Variants in ANTXR2 observed in about 807,000 individuals in gnomAD.
The protein encoded by ANTXR2 is ANTXR cell adhesion molecule 2.
In ANTXR2, 44 loss-of-function variants were observed where a neutral mutation model predicts 73.7. That is an observed-to-expected ratio of 0.60 (90% CI 0.47 to 0.77). ANTXR2 has a LOEUF of 0.77. ANTXR2 is among the 30% of genes least tolerant of loss of function. ANTXR2 has a pLI of 0.00. For synonymous variants in ANTXR2, 217 were observed against 205.9 expected, an observed-to-expected ratio of 1.05 and a Z score of -0.46; for missense variants, 604 against 592.5, an observed-to-expected ratio of 1.02 and a Z score of -0.20.
chr4:80,064,375 C>T (rs1734399813), intron 3 of ANTXR2, among the ~76,000 whole-genome samples: 1 of 152,120 alleles, frequency 6.6e-6, no homozygotes, highest in Non-Finnish European at 1.5e-5. Flanking sequence ...ATGATGGCAG[C>T]TAATAACTAA....
intron 16 of ANTXR2, among the ~76,000 whole-genome samples, chr4:79,976,800 C>T (rs1292005754): frequency 6.6e-6 from 1 of 152,196 alleles, no homozygotes; most frequent in Non-Finnish European, 1.5e-5. Context: ...TCCTGCCCTG[C>T]ATCAGATTCC....
intron 16 of ANTXR2, among the ~76,000 whole-genome samples, chr4:79,935,667 T>G (rs1289855626): frequency 6.6e-6 from 1 of 152,194 alleles, no homozygotes; most frequent in Non-Finnish European, 1.5e-5. Context: ...GCATGTGGGA[T>G]AGTGAGAAGA....
At chr4:79,937,285 A>C (rs1728304368) in intron 16 of ANTXR2, among the ~76,000 whole-genome samples, 1 of 152,218 alleles carries the variant, frequency 6.6e-6, no homozygotes, top group Admixed American at 6.5e-5. Flanking sequence ...AATTAATTAC[A>C]TATAATCATT....
chr4:80,055,483 A>T lies in ANTXR2; in HGVS notation c.379-16T>A, dbSNP rs1733953732. The T allele has an allele frequency of 6.3e-7, 1 of 1,582,592 alleles. No individual in the cohort carries two copies. Among genetic ancestry groups the T allele is most frequent in the East Asian group, 2.2e-5 (1 of 44,486 alleles). On this transcript the variant is annotated splice_polypyrimidine_tract_variant and intron_variant, in intron 4 of 16. Coordinates refer to ENST00000403729, the MANE Select transcript of ANTXR2 (RefSeq NM_058172.6). ...GTTCATTCGCCTGAAAATGAAGAAT[A>T]ATTATCCAACTCACAATTTAATTTT...
At chr4:79,934,576 A>G (rs1392104408) in intron 16 of ANTXR2, among the ~76,000 whole-genome samples, 2 of 151,512 alleles carry the variant, frequency 1.3e-5, no homozygotes, top group Non-Finnish European at 2.9e-5. Flanking sequence ...ATCATTTAAG[A>G]CTCTTTTGAC....
chr4:79,984,036 G>T, intron 13 of ANTXR2, 66 bp from the exon 14 acceptor site: 1 of 1,128,044 alleles, frequency 8.9e-7, no homozygotes, highest in Non-Finnish European at 1.3e-6. Flanking sequence ...GTCGGAACTG[G>T]CTCATATTTA....
intron 16 of ANTXR2, among the ~76,000 whole-genome samples, chr4:79,937,456 T>C (rs1457455941): frequency 2.0e-5 from 3 of 152,236 alleles, no homozygotes; most frequent in Non-Finnish European, 4.4e-5. Flanking sequence ...GCTTTTTATC[T>C]GCAAGTGACT....
rs143834364 is a variant in ANTXR2, at chr4:79,927,121, C to T, written c.1429-19654G>A. ...AAAAAAAAGGAGGTACTGGCATTTA[C>T]GACAACAGATGAATCTAAAGGACAC... On this transcript the variant is annotated intron_variant, in intron 16 of 16. Transcript: ENST00000403729. Among the ~76,000 whole-genome samples, 926 of 150,188 alleles carry T rather than the reference C, an allele frequency of 6.2e-3. 6 individuals are homozygous for T. The highest frequency in any genetic ancestry group is 0.021 in the African/African-American group (868 of 40,938).
intron 12 of ANTXR2, among the ~76,000 whole-genome samples, chr4:79,989,212 C>T (rs1730347675): frequency 6.6e-6 from 1 of 151,672 alleles, no homozygotes; most frequent in East Asian, 1.9e-4. Context: ...AAATTTGGTT[C>T]TTTCAAAAAA....
At chr4:80,010,037 T>C (rs912383381) in intron 11 of ANTXR2, among the ~76,000 whole-genome samples, 8 of 79,620 alleles carry the variant, frequency 1.0e-4, no homozygotes, top group African/African-American at 3.5e-4. Flanking sequence ...AATAATGTTT[T>C]GTTTTGTGGT....
chr4:79,911,738 T>G (rs982185369), intron 16 of ANTXR2, among the ~76,000 whole-genome samples: 1 of 151,986 alleles, frequency 6.6e-6, no homozygotes, highest in Admixed American at 6.6e-5. Flanking sequence ...ATGTTATTAT[T>G]ATGAAGAAAA....
chr4:79,907,495 A>G, intron 16 of ANTXR2, 28 bp from the exon 17 acceptor site: 1 of 1,605,348 alleles, frequency 6.2e-7, no homozygotes, highest in Non-Finnish European at 8.5e-7. Context: ...TCCATATTGA[A>G]ATATTGAAGC....
At chr4:79,964,661 C>T (rs1208025433) in intron 16 of ANTXR2, 1 of 152,304 alleles carries the variant, frequency 6.6e-6, no homozygotes, top group African/African-American at 2.4e-5. Flanking sequence ...ACCCCGACTC[C>T]TACCTTTGGT....
At chr4:80,021,474 T>C (rs1266596064) in intron 10 of ANTXR2, among the ~76,000 whole-genome samples, 1 of 152,210 alleles carries the variant, frequency 6.6e-6, no homozygotes, top group Non-Finnish European at 1.5e-5. Flanking sequence ...CATAATAATA[T>C]GTGATTCTTG....
In ANTXR2 at chr4:79,934,840, C is replaced by CAA. The variant is rs11301737; in HGVS notation, c.1429-27375_1429-27374dup. Among the ~76,000 whole-genome samples, 225 of 108,020 alleles carry CAA rather than the reference C, an allele frequency of 2.1e-3. 2 individuals carry two copies. The highest frequency in any genetic ancestry group is 6.6e-3 in the African/African-American group (187 of 28,192). 70.9% of individuals were successfully genotyped at this position (108,020 alleles called of 152,430 possible). A position where few individuals can be genotyped will look rare whatever the true frequency, so the allele number is the denominator to read the frequency against. ...AAAACTCCTCCAAGTAGTCAAGTTT[C>CAA]AAAAAAAAAAAAAAAACTGTCTACT... On this transcript the variant is annotated intron_variant, in intron 16 of 16. Transcript: ENST00000403729.
chr4:79,962,339 C>A (rs1221445421), intron 16 of ANTXR2, among the ~76,000 whole-genome samples: 1 of 151,992 alleles, frequency 6.6e-6, no homozygotes, highest in Admixed American at 6.5e-5. Flanking sequence ...ATGGCATGTT[C>A]ATGAGATGGA....
At chr4:79,946,881 G>C (rs538644860) in intron 16 of ANTXR2, among the ~76,000 whole-genome samples, 84 of 152,178 alleles carry the variant, frequency 5.5e-4, no homozygotes, top group African/African-American at 1.9e-3. Context: ...TATGAGCTAA[G>C]GGTACTAATC....
chr4:79,951,328 C>T (rs1201873447), intron 16 of ANTXR2, among the ~76,000 whole-genome samples: 1 of 151,998 alleles, frequency 6.6e-6, no homozygotes, highest in African/African-American at 2.4e-5. Flanking sequence ...GCCTATAATC[C>T]CAGCACTTTG....
At chr4:79,994,542 G>T (rs1476875923) in intron 12 of ANTXR2, among the ~76,000 whole-genome samples, 30 of 150,912 alleles carry the variant, frequency 2.0e-4, no homozygotes, top group South Asian at 2.1e-4. Flanking sequence ...ATCTTGCACT[G>T]TTATATAAAT....
Sources: gnomAD v4.1 joint callset for allele counts (sites outside exome capture counted in the v4.1 genomes callset) on GRCh38, gnomAD v4.1.1 for gene constraint, MANE v1.5 for transcripts, NCBI Gene and HGNC (gene_info 2026-07-23, HGNC 2026-07-21) for gene names.